RPH3A: variants seen among roughly 807,000 people sequenced by gnomAD.
The protein encoded by RPH3A is rabphilin-3A.
RPH3A carries 48 observed loss-of-function variants against 102.2 expected under a neutral mutation model. That is an observed-to-expected ratio of 0.47 (90% CI 0.37 to 0.60). The LOEUF (loss-of-function observed/expected upper bound fraction) is 0.60, where lower values mean the gene tolerates loss of function less well. RPH3A is among the 20% of genes least tolerant of loss of function. The pLI, the probability that RPH3A is intolerant of heterozygous loss-of-function variation, is 0.00. For missense variants in RPH3A, 781 were observed against 910.1 expected, an observed-to-expected ratio of 0.86 and a Z score of 1.83; for synonymous variants, 310 against 324.3, an observed-to-expected ratio of 0.96 and a Z score of 0.47.
intron 1 of RPH3A, among the ~76,000 whole-genome samples, chr12:112,636,976 C>T (rs1361942748): frequency 6.6e-6 from 1 of 152,170 alleles, no homozygotes. Flanking sequence ...GGCTCAGCCT[C>T]CATCAGACTG....
chr12:112,697,482 C>T (rs1319746905), intron 1 of RPH3A, among the ~76,000 whole-genome samples: 1 of 152,078 alleles, frequency 6.6e-6, no homozygotes, highest in Non-Finnish European at 1.5e-5. Flanking sequence ...TAAATAAATG[C>T]AGAGATATTC....
intron 8 of RPH3A, 70 bp from the exon 9 acceptor site, chr12:112,869,689 C>T: frequency 6.8e-7 from 1 of 1,476,080 alleles, no homozygotes; most frequent in Non-Finnish European, 9.5e-7. Flanking sequence ...CCTTTGTAGG[C>T]TTCTTAAGTA....
At chr12:112,870,570 G>A (rs1244006342) in intron 10 of RPH3A, among the ~76,000 whole-genome samples, 2 of 152,142 alleles carry the variant, frequency 1.3e-5, no homozygotes, top group African/African-American at 4.8e-5. Context: ...GGACTTTGAA[G>A]GAAATGTCTA....
intron 2 of RPH3A, among the ~76,000 whole-genome samples, chr12:112,802,621 T>C (rs1429661298): frequency 6.6e-6 from 1 of 151,972 alleles, no homozygotes; most frequent in East Asian, 1.9e-4. Flanking sequence ...GTGGTGTGTG[T>C]GGGAATGTGT....
At chr12:112,826,844 G>A (rs868784050) in intron 2 of RPH3A, among the ~76,000 whole-genome samples, 1 of 152,150 alleles carries the variant, frequency 6.6e-6, no homozygotes, top group South Asian at 2.1e-4. Flanking sequence ...TCTGTTGATA[G>A]GCATTTGGAT....
chr12:112,892,349 C>A (rs1232177648), intron 19 of RPH3A, among the ~76,000 whole-genome samples: 1 of 152,174 alleles, frequency 6.6e-6, no homozygotes. Context: ...AGGAGGAATC[C>A]AGAGGGGACC....
chr12:112,621,297 C>T (rs959679225), intron 1 of RPH3A, among the ~76,000 whole-genome samples: 2 of 150,710 alleles, frequency 1.3e-5, no homozygotes, highest in South Asian at 2.1e-4. Context: ...TCTGAGGTAC[C>T]GGGTTCATCT....
intron 20 of RPH3A, 64 bp downstream of exon 20, chr12:112,894,723 AGCCACATAGCCATTAAATATGTG>A: frequency 7.5e-7 from 1 of 1,339,984 alleles, no homozygotes; most frequent in Non-Finnish European, 1.0e-6. Flanking sequence ...AGGCACAAAT[AGCCACATAGCCATTAAATATGTG>A]GCCACATAGC....
intron 5 of RPH3A, among the ~76,000 whole-genome samples, chr12:112,853,298 C>T (rs982953607): frequency 6.6e-6 from 1 of 152,186 alleles, no homozygotes; most frequent in Non-Finnish European, 1.5e-5. Context: ...CTAAAGTCTT[C>T]AACATTCTAT....
At chr12:112,709,695 T>A (rs1342649034) in intron 1 of RPH3A, among the ~76,000 whole-genome samples, 2 of 152,186 alleles carry the variant, frequency 1.3e-5, no homozygotes, top group Non-Finnish European at 2.9e-5. Context: ...CTGGGACATC[T>A]GAAAAAATGC....
At chr12:112,797,572 A>G (rs2041257203) in intron 2 of RPH3A, among the ~76,000 whole-genome samples, 1 of 152,042 alleles carries the variant, frequency 6.6e-6, no homozygotes, top group Non-Finnish European at 1.5e-5. Flanking sequence ...ACTTTTTGCT[A>G]GGCAGGACCC....
intron 1 of RPH3A, among the ~76,000 whole-genome samples, chr12:112,754,638 G>A (rs1369041205): frequency 6.6e-6 from 1 of 152,196 alleles, no homozygotes; most frequent in Non-Finnish European, 1.5e-5. Context: ...GATATGTCAA[G>A]TTTTATACTT....
At chr12:112,763,829 A>G (rs1407890511) in intron 1 of RPH3A, among the ~76,000 whole-genome samples, 2 of 152,162 alleles carry the variant, frequency 1.3e-5, no homozygotes, top group Non-Finnish European at 2.9e-5. Context: ...AGCTGCGAGA[A>G]GGGTTCACTC....
At chr12:112,787,496 C>A (rs187471762), upstream of RPH3A, among the ~76,000 whole-genome samples, 194 of 152,340 alleles carry the variant, frequency 1.3e-3, 2 homozygotes, top group African/African-American at 4.5e-3. Flanking sequence ...ACAACACAAC[C>A]TCCTTTCACT....
At chr12:112,773,444 GT>G (rs529562757) in intron 1 of RPH3A, among the ~76,000 whole-genome samples, 12 of 150,288 alleles carry the variant, frequency 8.0e-5, no homozygotes, top group East Asian at 2.0e-4. Context: ...GAATTTATTT[GT>G]TTTTTTTTCT....
chr12:112,796,932 C>A (rs894988081), intron 2 of RPH3A, among the ~76,000 whole-genome samples: 1 of 152,034 alleles, frequency 6.6e-6, no homozygotes, highest in Non-Finnish European at 1.5e-5. Flanking sequence ...TGCCTGCAAC[C>A]CCAGCTATTT....
intron 5 of RPH3A, among the ~76,000 whole-genome samples, chr12:112,863,069 G>A (rs534958463): frequency 2.5e-4 from 38 of 152,254 alleles, no homozygotes; most frequent in African/African-American, 8.9e-4. Flanking sequence ...TCAAGCTGGT[G>A]GGAAGTGACC....
chr12:112,888,000 G>A lies in RPH3A; in HGVS notation c.1563+77G>A, dbSNP rs183944809. On this transcript the variant is annotated intron_variant, in intron 17 of 21. Coordinates refer to ENST00000389385, the MANE Select transcript of RPH3A (RefSeq NM_001143854.2). ...CTGCCTTCCTCTGGGTCTGAATTGG[G>A]GGAAATAGATCCACGGGGTATTGGG... 64 of 1,536,444 alleles carry A rather than the reference G, an allele frequency of 4.2e-5. No homozygotes were observed. In the East Asian group the frequency reaches 1.3e-3, roughly 32 times the overall value.
intron 18 of RPH3A, 122 bp from the exon 19 acceptor site, chr12:112,890,727 A>G: frequency 9.4e-7 from 1 of 1,068,102 alleles, no homozygotes; most frequent in African/African-American, 1.6e-5. Context: ...TGTCCCTGGT[A>G]CTGGCTCCCT....
Sources: gnomAD v4.1 joint callset for allele counts (sites outside exome capture counted in the v4.1 genomes callset) on GRCh38, gnomAD v4.1.1 for gene constraint, MANE v1.5 for transcripts, NCBI Gene and HGNC (gene_info 2026-07-23, HGNC 2026-07-21) for gene names.